Variants in SPAG16 observed in about 807,000 individuals in gnomAD.
SPAG16 encodes sperm-associated antigen 16 protein.
A neutral mutation model predicts 80.4 loss-of-function variants in SPAG16; 86 were observed. That is an observed-to-expected ratio of 1.07 (90% CI 0.90 to 1.28). The LOEUF (loss-of-function observed/expected upper bound fraction) is 1.28. Ranked by LOEUF, SPAG16 falls within the 50% of genes most tolerant of loss-of-function variation. SPAG16 has a pLI of 0.00. For missense variants in SPAG16, 870 were observed against 765.3 expected, an observed-to-expected ratio of 1.14 and a Z score of -1.61; for synonymous variants, 294 against 265.9, an observed-to-expected ratio of 1.11 and a Z score of -1.03.
chr2:213,735,036 T>C (rs2067222262), intron 10 of SPAG16, among the ~76,000 whole-genome samples: 1 of 152,136 alleles, frequency 6.6e-6, no homozygotes, highest in African/African-American at 2.4e-5. Context: ...CCATATCTGC[T>C]TATGTACTGC....
intron 11 of SPAG16, among the ~76,000 whole-genome samples, chr2:213,872,855 C>A (rs184427361): frequency 6.6e-6 from 1 of 152,114 alleles, no homozygotes; most frequent in East Asian, 1.9e-4. Flanking sequence ...TGGTTTTTAT[C>A]TTTTATTCTA....
At chr2:214,069,344 C>G (rs766335947) in intron 13 of SPAG16, among the ~76,000 whole-genome samples, 2 of 152,062 alleles carry the variant, frequency 1.3e-5, no homozygotes, top group Non-Finnish European at 2.9e-5. Context: ...TGCCACTTTC[C>G]TTTTTGATAT....
At chr2:213,513,305 G>T (rs2075299966) in intron 10 of SPAG16, among the ~76,000 whole-genome samples, 1 of 152,102 alleles carries the variant, frequency 6.6e-6, no homozygotes, top group Non-Finnish European at 1.5e-5. Flanking sequence ...TACCTTCAAT[G>T]AATGCACCAC....
chr2:213,463,894 C>T (rs1478702935), intron 9 of SPAG16, among the ~76,000 whole-genome samples: 1 of 152,226 alleles, frequency 6.6e-6, no homozygotes, highest in East Asian at 1.9e-4. Flanking sequence ...CAGTGACCAT[C>T]TGTTCCACAG....
intron 10 of SPAG16, among the ~76,000 whole-genome samples, chr2:213,806,507 T>C (rs1401679822): frequency 6.6e-6 from 1 of 152,192 alleles, no homozygotes; most frequent in Non-Finnish European, 1.5e-5. Context: ...ATAATGTTTA[T>C]GTATCCCCTG....
chr2:214,342,947 A>G (rs73989440), intron 15 of SPAG16, among the ~76,000 whole-genome samples: 6 of 152,026 alleles, frequency 3.9e-5, no homozygotes, highest in African/African-American at 1.5e-4. Context: ...ACTCTCCACA[A>G]CCCTGACAAT....
chr2:213,862,922 A>G (rs2075539060), intron 11 of SPAG16, among the ~76,000 whole-genome samples: 1 of 152,182 alleles, frequency 6.6e-6, no homozygotes, highest in African/African-American at 2.4e-5. Context: ...AGCCCTGACA[A>G]GGCACAGAGA....
chr2:213,875,326 TAA>T (rs1204961979), intron 11 of SPAG16, among the ~76,000 whole-genome samples: 4 of 152,032 alleles, frequency 2.6e-5, no homozygotes, highest in African/African-American at 9.7e-5. Context: ...AGAATTAAGA[TAA>T]GTTTAGAGTC....
At chr2:213,371,752 A>G (rs2066649556) in intron 8 of SPAG16, among the ~76,000 whole-genome samples, 1 of 152,196 alleles carries the variant, frequency 6.6e-6, no homozygotes, top group East Asian at 1.9e-4. Context: ...GCAAATTGGA[A>G]TGATTTGGAG....
chr2:213,394,242 T>C (rs1368718374), intron 9 of SPAG16, among the ~76,000 whole-genome samples: 1 of 152,160 alleles, frequency 6.6e-6, no homozygotes, highest in African/African-American at 2.4e-5. Context: ...AAACAGATAT[T>C]ATCTTTCATA....
At chr2:214,087,012 A>G (rs1234110464) in intron 13 of SPAG16, among the ~76,000 whole-genome samples, 1 of 150,034 alleles carries the variant, frequency 6.7e-6, no homozygotes, top group Non-Finnish European at 1.5e-5. Context: ...CTCAAACTGC[A>G]GTGTTTACAC....
At chr2:213,385,603 T>TG (rs2067386036) in intron 9 of SPAG16, among the ~76,000 whole-genome samples, 1 of 151,900 alleles carries the variant, frequency 6.6e-6, no homozygotes, top group Non-Finnish European at 1.5e-5. Flanking sequence ...GTAAGGAGGG[T>TG]GGGGAATATA....
At chr2:213,638,106 C>T (rs1251452775) in intron 10 of SPAG16, among the ~76,000 whole-genome samples, 1 of 152,128 alleles carries the variant, frequency 6.6e-6, no homozygotes, top group East Asian at 1.9e-4. Flanking sequence ...CATTTCATTT[C>T]TGATTGAGCT....
chr2:213,432,116 G>A, intron 9 of SPAG16, among the ~76,000 whole-genome samples: 1 of 152,038 alleles, frequency 6.6e-6, no homozygotes, highest in African/African-American at 2.4e-5. Flanking sequence ...CAAGTTGATA[G>A]GGTTAAATGG....
intron 13 of SPAG16, among the ~76,000 whole-genome samples, chr2:214,079,968 A>AT (rs1250832344): frequency 6.6e-6 from 1 of 152,194 alleles, no homozygotes; most frequent in Admixed American, 6.5e-5. Flanking sequence ...ATTGGATTTG[A>AT]TATCTACTTT....
chr2:213,591,709 A>G (rs1374764377), intron 10 of SPAG16, among the ~76,000 whole-genome samples: 1 of 152,166 alleles, frequency 6.6e-6, no homozygotes, highest in African/African-American at 2.4e-5. Context: ...GCCAAGGAAC[A>G]GTGTGTGTGG....
intron 15 of SPAG16, among the ~76,000 whole-genome samples, chr2:214,339,842 T>C (rs1339704996): frequency 6.6e-6 from 1 of 152,168 alleles, no homozygotes; most frequent in Non-Finnish European, 1.5e-5. Context: ...GTTTTGTAGA[T>C]GTCATTTAGT....
intron 10 of SPAG16, among the ~76,000 whole-genome samples, chr2:213,846,921 T>A (rs2125772057): frequency 6.6e-6 from 1 of 152,252 alleles, no homozygotes. Context: ...GGCTATGAGG[T>A]AGAGTGTGCT....
At chr2:213,926,654 A>T (rs2106230697) in intron 11 of SPAG16, among the ~76,000 whole-genome samples, 1 of 152,214 alleles carries the variant, frequency 6.6e-6, no homozygotes, top group African/African-American at 2.4e-5. Context: ...TTCATGTTAT[A>T]ACCTTACGTC....
Sources: gnomAD v4.1 joint callset for allele counts (sites outside exome capture counted in the v4.1 genomes callset) on GRCh38, gnomAD v4.1.1 for gene constraint, MANE v1.5 for transcripts, NCBI Gene and HGNC (gene_info 2026-07-23, HGNC 2026-07-21) for gene names.